The following WDFY4 variants were observed in gnomAD, a reference collection of about 807,000 sequenced individuals.
The protein encoded by WDFY4 is WDFY family member 4.
Under a neutral mutation model 351.9 loss-of-function variants are expected in WDFY4, and 169 were observed. The ratio of observed to expected loss-of-function variants is 0.48; its 90% CI spans 0.42 to 0.55. The LOEUF is 0.55. WDFY4 is among the 20% of genes least tolerant of loss of function. The pLI is 0.00. For missense variants in WDFY4, 3,803 were observed against 3,935.6 expected (o/e 0.97, Z 0.90); for synonymous variants, 1,622 against 1,574.6 (o/e 1.03, Z -0.71).
At chr10:48,748,907 C>A (rs1481470384) in intron 12 of WDFY4, among the ~76,000 whole-genome samples, 1 of 152,200 alleles carries the variant, frequency 6.6e-6, no homozygotes, top group Non-Finnish European at 1.5e-5. Flanking sequence ...TCCCAAGTCT[C>A]CAGGGAGGAG....
chr10:48,832,542 C>T, intron 38 of WDFY4, 31 bp from the exon 39 acceptor site: 1 of 1,517,086 alleles, frequency 6.6e-7, no homozygotes, highest in East Asian at 2.5e-5. Context: ...TCTCACTTCA[C>T]CTCTGACATT....
At chr10:48,884,685 G>A (rs184756654) in intron 43 of WDFY4, among the ~76,000 whole-genome samples, 333 of 152,092 alleles carry the variant, frequency 2.2e-3, no homozygotes, top group Non-Finnish European at 3.6e-3. Flanking sequence ...CAAAATTTCC[G>A]GCTGGTTCAA....
chr10:48,976,726 G>T, intron 58 of WDFY4, 71 bp from the exon 59 acceptor site: 2 of 1,282,718 alleles, frequency 1.6e-6, no homozygotes, highest in Non-Finnish European at 1.0e-6. Flanking sequence ...GTACCAACTG[G>T]GTAGCTGAGC....
Position 48,897,577 on chromosome 10 carries a change from A to G in WDFY4, c.7437+3A>G, listed in dbSNP as rs1187690633. On this transcript the variant is annotated splice_donor_region_variant and intron_variant, in intron 45 of 61. Transcript: ENST00000325239. ...GGCAGGCTCGCTTCCTCCTGCAGGT[A>G]AGCACACTGGGTGCTGGCACGCCTG... 2.6e-6 allele frequency: 4 copies of G among 1,545,436 alleles called. No individual in the cohort carries two copies. The highest frequency in any genetic ancestry group is 3.5e-6 in the Non-Finnish European group (4 of 1,146,768).
At chr10:48,969,026 C>A in intron 55 of WDFY4, 38 bp from the exon 56 acceptor site, 1 of 1,542,500 alleles carries the variant, frequency 6.5e-7, no homozygotes. Flanking sequence ...GGGTGCTGTT[C>A]TTCCATGCAT....
chr10:48,979,136 C>A (rs563093146), intron 60 of WDFY4, among the ~76,000 whole-genome samples: 4 of 152,320 alleles, frequency 2.6e-5, no homozygotes, highest in Admixed American at 2.6e-4. Context: ...TGTAAACAAT[C>A]TGGGCTGAGC....
intron 47 of WDFY4, among the ~76,000 whole-genome samples, chr10:48,929,748 G>T (rs1417056268): frequency 3.3e-5 from 5 of 152,142 alleles, no homozygotes; most frequent in Non-Finnish European, 1.5e-5. Flanking sequence ...AACCCTGTCT[G>T]TCCCAAGCCC....
At chr10:48,964,440 A>G (rs1224829174) in intron 54 of WDFY4, among the ~76,000 whole-genome samples, 3 of 152,266 alleles carry the variant, frequency 2.0e-5, no homozygotes, top group Non-Finnish European at 4.4e-5. Context: ...TAGTGTGATT[A>G]TATCATTGAA....
intron 26 of WDFY4, 135 bp downstream of exon 26, chr10:48,805,556 T>C: frequency 7.9e-7 from 1 of 1,257,950 alleles, no homozygotes; most frequent in Non-Finnish European, 1.1e-6. Flanking sequence ...TGCCCAGGGC[T>C]GAGAGTTGGG....
rs187130402 is a variant in WDFY4 at position 48,977,627 on chromosome 10, G to A, written c.9291+648G>A. On this transcript the variant is annotated intron_variant, in intron 59 of 61. Coordinates refer to ENST00000325239, the MANE Select transcript of WDFY4 (RefSeq NM_001394531.1). Reference sequence around the variant, plus strand: ...GGCCCACATCAGTGGGCCAGCCAGAGGAGCCTGGGGTGGCCGAGCTGCAGA... The same window carrying A: ...GGCCCACATCAGTGGGCCAGCCAGAAGAGCCTGGGGTGGCCGAGCTGCAGA... Among the ~76,000 whole-genome samples the A allele has an allele frequency of 4.3e-3, 656 of 152,360 alleles. 7 individuals are homozygous for A. The South Asian group carries it at 0.047, about 11-fold the overall frequency.
intron 54 of WDFY4, among the ~76,000 whole-genome samples, chr10:48,965,186 T>A (rs1842023223): frequency 6.6e-6 from 1 of 152,246 alleles, no homozygotes; most frequent in African/African-American, 2.4e-5. Flanking sequence ...TCCTGCCTCA[T>A]GTACTCATAG....
intron 51 of WDFY4, among the ~76,000 whole-genome samples, 161 bp downstream of exon 51, chr10:48,947,130 T>C (rs929789502): frequency 6.6e-6 from 1 of 152,232 alleles, no homozygotes; most frequent in Non-Finnish European, 1.5e-5. Context: ...TCCAGGATTC[T>C]GGCTCACCAG....
chr10:48,963,582 A>G (rs1028989343), intron 53 of WDFY4, among the ~76,000 whole-genome samples: 1 of 152,106 alleles, frequency 6.6e-6, no homozygotes, highest in Non-Finnish European at 1.5e-5. Flanking sequence ...TGTGGACACC[A>G]TGGTTGTTTT....
chr10:48,909,186 T>G lies in WDFY4; in HGVS notation c.7586+7323T>G, dbSNP rs554868573. On this transcript the variant is annotated intron_variant, in intron 47 of 61. Coordinates refer to ENST00000325239, the MANE Select transcript of WDFY4 (RefSeq NM_001394531.1). ...ATTTGTGCATTGAGCAAAATTTGGT[T>G]GTTTCCATTTTGTGGTCATTACAAA... 2.6e-5 allele frequency among the ~76,000 whole-genome samples: 4 copies of G among 152,350 alleles called. No individual in the cohort carries two copies. In the South Asian group the frequency reaches 8.3e-4, roughly 32 times the overall value.
At chr10:48,966,262 C>A (rs1306056332) in intron 54 of WDFY4, among the ~76,000 whole-genome samples, 1 of 152,134 alleles carries the variant, frequency 6.6e-6, no homozygotes, top group East Asian at 1.9e-4. Flanking sequence ...AGTCTTCTCC[C>A]AAGCAGCTTG....
At chr10:48,733,879 G>A in intron 9 of WDFY4, 52 bp from the exon 10 acceptor site, 2 of 1,502,512 alleles carry the variant, frequency 1.3e-6, no homozygotes, top group Non-Finnish European at 1.8e-6. Context: ...GAGATTTGCG[G>A]TCATACCACA....
At chr10:48,935,857 C>T (rs1840325052) in intron 47 of WDFY4, among the ~76,000 whole-genome samples, 2 of 150,860 alleles carry the variant, frequency 1.3e-5, no homozygotes, top group Admixed American at 1.3e-4. Context: ...TCCAGCCTGG[C>T]ATTATCATGA....
At chr10:48,921,588 A>G (rs774082486) in intron 47 of WDFY4, among the ~76,000 whole-genome samples, 8 of 102,770 alleles carry the variant, frequency 7.8e-5, no homozygotes, top group Non-Finnish European at 1.6e-4. Flanking sequence ...TAAGTTGAAC[A>G]CAATTAAAAG....
chr10:48,897,328 C>T (rs1470125224), intron 44 of WDFY4, 126 bp from the exon 45 acceptor site: 20 of 1,349,464 alleles, frequency 1.5e-5, no homozygotes, highest in East Asian at 5.1e-5. Context: ...CAGTGACCAC[C>T]GCACTTCTCT....
Sources: allele counts gnomAD v4.1 joint callset (sites outside exome capture counted in the v4.1 genomes callset), GRCh38; gene constraint gnomAD v4.1.1; transcripts MANE v1.5; gene names NCBI Gene and HGNC (gene_info 2026-07-23, HGNC 2026-07-21).